Variants in CNTLN observed in about 807,000 individuals in gnomAD.
The protein encoded by CNTLN is centlein, also known as centlein, centrosomal protein.
In CNTLN, 212 loss-of-function variants were observed where a neutral mutation model predicts 180.0. The observed-to-expected ratio is 1.18, with a 90% CI of 1.05 to 1.32. CNTLN has a LOEUF of 1.32. Ranked by LOEUF, CNTLN falls within the 40% of genes most tolerant of loss-of-function variation. CNTLN has a pLI of 0.00. For synonymous variants in CNTLN, 722 were observed against 563.1 expected, an observed-to-expected ratio of 1.28 and a Z score of -3.99; for missense variants, 2,095 against 1,610.9, an observed-to-expected ratio of 1.30 and a Z score of -5.14.
At chr9:17,148,839 A>T (rs938008136) in intron 2 of CNTLN, among the ~76,000 whole-genome samples, 4 of 152,130 alleles carry the variant, frequency 2.6e-5, no homozygotes, top group African/African-American at 7.2e-5. Flanking sequence ...TTATGATTAT[A>T]CTTTAAGTTC....
chr9:17,301,623 T>G lies in CNTLN; in HGVS notation c.1146+3271T>G, dbSNP rs552011021. 6.1e-6 allele frequency: 6 copies of G among 981,990 alleles called. No individual in the cohort carries two copies. In the South Asian group the frequency reaches 1.4e-4, roughly 23 times the overall value. 60.8% of individuals were successfully genotyped at this position (981,990 alleles called of 1,614,324 possible). Reference sequence around the variant, plus strand: ...TGAAATTGTACCTCCCACTGTAATATTTTAATTTTGTAGTTGTTTTAGATG... The same window carrying G: ...TGAAATTGTACCTCCCACTGTAATAGTTTAATTTTGTAGTTGTTTTAGATG... On this transcript the variant is annotated intron_variant, in intron 7 of 25. Transcript: ENST00000380647.
chr9:17,441,072 T>G (rs1830081168), intron 18 of CNTLN, among the ~76,000 whole-genome samples: 1 of 150,648 alleles, frequency 6.6e-6, no homozygotes, highest in South Asian at 2.1e-4. Flanking sequence ...TACACCACCT[T>G]TAAAAGATAA....
At chr9:17,290,664 C>T (rs1829322199) in intron 6 of CNTLN, among the ~76,000 whole-genome samples, 1 of 149,832 alleles carries the variant, frequency 6.7e-6, no homozygotes, top group African/African-American at 2.4e-5. Flanking sequence ...CAGCGAGACT[C>T]CGTGGGCGTA....
chr9:17,258,885 G>T (rs1159961580), intron 5 of CNTLN, among the ~76,000 whole-genome samples: 1 of 145,578 alleles, frequency 6.9e-6, no homozygotes, highest in Non-Finnish European at 1.5e-5. Flanking sequence ...CTGAGACAGT[G>T]GGGTTTTCTA....
At chr9:17,415,065 G>T (rs1353690047) in intron 16 of CNTLN, among the ~76,000 whole-genome samples, 1 of 150,984 alleles carries the variant, frequency 6.6e-6, no homozygotes, top group African/African-American at 2.4e-5. Context: ...CAGCCTGAGT[G>T]ACAAAGCCAA....
chr9:17,216,641 A>G lies in CNTLN; in HGVS notation c.450-9562A>G, dbSNP rs148325376. On this transcript the variant is annotated intron_variant, in intron 2 of 25. Transcript: ENST00000380647. ...TTATTTTATTTCAATTTTTAGAGTTAAAGTTTACATGTTTGCATGTTTGAT... is the reference window on the plus strand; with the variant it reads ...TTATTTTATTTCAATTTTTAGAGTTGAAGTTTACATGTTTGCATGTTTGAT... Among the ~76,000 whole-genome samples, 545 of 152,262 alleles carry G rather than the reference A, an allele frequency of 3.6e-3. 1 individual carries two copies. Among genetic ancestry groups the G allele is most frequent in the Non-Finnish European group, 5.7e-3 (385 of 68,000 alleles).
rs533898073 is a variant in CNTLN, at chr9:17,462,135, T to A, written c.3307-781T>A. Among the ~76,000 whole-genome samples the A allele has an allele frequency of 2.6e-5, 4 of 151,888 alleles. No individual in the cohort carries two copies. In the South Asian group the frequency reaches 8.3e-4, roughly 31 times the overall value. On this transcript the variant is annotated intron_variant, in intron 19 of 25. Coordinates refer to ENST00000380647, the MANE Select transcript of CNTLN (RefSeq NM_017738.4). ...AAACATCGTGGCTTAAAACAACAGT[T>A]TATTATTTCTTAAGATTTTGTGGGT...
At chr9:17,213,157 A>G (rs1218458925) in intron 2 of CNTLN, among the ~76,000 whole-genome samples, 1 of 152,114 alleles carries the variant, frequency 6.6e-6, no homozygotes, top group Non-Finnish European at 1.5e-5. Context: ...TAGGGTGTCA[A>G]TTTTAGATCT....
At chr9:17,506,467 G>T (rs986043397), downstream of CNTLN, among the ~76,000 whole-genome samples, 3 of 152,022 alleles carry the variant, frequency 2.0e-5, no homozygotes, top group African/African-American at 7.2e-5. Flanking sequence ...ATAAGCTTGG[G>T]GCTATGGCTG....
intron 6 of CNTLN, among the ~76,000 whole-genome samples, chr9:17,289,954 A>G (rs1310517926): frequency 6.6e-6 from 1 of 150,932 alleles, no homozygotes; most frequent in Non-Finnish European, 1.5e-5. Flanking sequence ...TTTGGTTTGA[A>G]TGTCCTCCCG....
intron 2 of CNTLN, among the ~76,000 whole-genome samples, chr9:17,155,812 C>T (rs563847409): frequency 1.1e-4 from 16 of 152,090 alleles, no homozygotes; most frequent in South Asian, 4.2e-4. Flanking sequence ...GCAGCTAGTT[C>T]GGTGTCTGCC....
At chr9:17,302,935 G>C (rs1270905348) in intron 7 of CNTLN, among the ~76,000 whole-genome samples, 1 of 152,192 alleles carries the variant, frequency 6.6e-6, no homozygotes, top group Non-Finnish European at 1.5e-5. Flanking sequence ...TGTAAATCGA[G>C]ATAAAAATGT....
At chr9:17,339,238 C>T (rs1011794156) in intron 10 of CNTLN, among the ~76,000 whole-genome samples, 1 of 152,170 alleles carries the variant, frequency 6.6e-6, no homozygotes, top group Non-Finnish European at 1.5e-5. Context: ...ACTACCCATA[C>T]TGCTAAGACA....
intron 5 of CNTLN, among the ~76,000 whole-genome samples, chr9:17,246,175 T>C (rs1044300149): frequency 1.3e-5 from 2 of 152,162 alleles, no homozygotes; most frequent in African/African-American, 4.8e-5. Flanking sequence ...TACTCATCTT[T>C]CTCAGGAGGG....
rs188679089 is a variant in CNTLN at position 17,406,610 on chromosome 9, C to T, written c.2616-2683C>T. Among the ~76,000 whole-genome samples the T allele has an allele frequency of 2.4e-3, 366 of 151,772 alleles. 14 individuals carry two copies. The highest frequency in any genetic ancestry group is 8.5e-3 in the African/African-American group (348 of 41,180). On this transcript the variant is annotated intron_variant, in intron 15 of 25. Transcript: ENST00000380647. ...CTTCCTCTTATCTTGCTCATTTTTT[C>T]CCCAGTGGTCCTTAATAATTTATAA...
At chr9:17,217,750 TAATA>T (rs950597197) in intron 2 of CNTLN, among the ~76,000 whole-genome samples, 220 of 152,304 alleles carry the variant, frequency 1.4e-3, no homozygotes, top group African/African-American at 4.9e-3. Context: ...TTGTTTTACA[TAATA>T]AATGTTGAGT....
chr9:17,494,449 A>G (rs915525471), intron 25 of CNTLN, among the ~76,000 whole-genome samples: 2 of 152,062 alleles, frequency 1.3e-5, no homozygotes, highest in South Asian at 2.1e-4. Flanking sequence ...GGTTTGTTGT[A>G]TAGATTATTT....
intron 13 of CNTLN, among the ~76,000 whole-genome samples, chr9:17,380,891 A>G (rs966676303): frequency 6.6e-6 from 1 of 152,210 alleles, no homozygotes; most frequent in Non-Finnish European, 1.5e-5. Context: ...CTGCAAGTCA[A>G]GTCCACTTCT....
intron 13 of CNTLN, among the ~76,000 whole-genome samples, chr9:17,381,098 A>T (rs1755887768): frequency 6.6e-6 from 1 of 152,236 alleles, no homozygotes; most frequent in Non-Finnish European, 1.5e-5. Flanking sequence ...TAGTATTTTT[A>T]GGCCTTTACC....
Sources: gnomAD v4.1 joint callset for allele counts (sites outside exome capture counted in the v4.1 genomes callset) on GRCh38, gnomAD v4.1.1 for gene constraint, MANE v1.5 for transcripts, NCBI Gene and HGNC (gene_info 2026-07-23, HGNC 2026-07-21) for gene names.